The following LYST variants were observed in gnomAD, a reference collection of about 807,000 sequenced individuals.
LYST encodes lysosomal-trafficking regulator.
LYST carries 192 observed loss-of-function variants against 413.6 expected under a neutral mutation model. The observed-to-expected ratio is 0.46, with a 90% CI of 0.41 to 0.52. The LOEUF is 0.52. Among genes scored for constraint, LYST ranks in the 20% least tolerant of loss-of-function variants. The pLI, the probability that LYST is intolerant of heterozygous loss-of-function variation, is 0.00. For synonymous variants in LYST, 1,525 were observed against 1,567.3 expected (o/e 0.97, Z 0.64); for missense variants, 3,815 against 4,499.9 (o/e 0.85, Z 4.35).
At chr1:235,677,041 C>T (rs201852938) in intron 50 of LYST, 50 bp downstream of exon 50, 65 of 1,335,342 alleles carry the variant, frequency 4.9e-5, no homozygotes, top group African/African-American at 1.3e-4. Context: ...TGGCCGAATG[C>T]GCTGTTAGAG....
intron 11 of LYST, 131 bp downstream of exon 11, chr1:235,793,372 T>C: frequency 3.7e-6 from 2 of 535,960 alleles, no homozygotes; most frequent in East Asian, 3.1e-5. Context: ...TAACATGAAA[T>C]TGCCTATACC....
chr1:235,734,000 T>C (rs1410970287), intron 32 of LYST, 94 bp from the exon 33 acceptor site: 2 of 642,218 alleles, frequency 3.1e-6, no homozygotes, highest in Non-Finnish European at 5.3e-6. Context: ...AAAACCCAGT[T>C]AACAAAGGAA....
chr1:235,778,872 CT>C (rs894713476), intron 16 of LYST, among the ~76,000 whole-genome samples: 66 of 144,048 alleles, frequency 4.6e-4, no homozygotes, highest in South Asian at 4.4e-4. Context: ...TGTCTTTTTT[CT>C]TTTTTTTTTT....
intron 42 of LYST, among the ~76,000 whole-genome samples, chr1:235,714,452 C>A (rs1214071914): frequency 6.6e-6 from 1 of 152,084 alleles, no homozygotes; most frequent in African/African-American, 2.4e-5. Context: ...CTTTTATAGA[C>A]CAATAAGAGT....
chr1:235,880,398 T>A lies in LYST; in HGVS notation n.454+2789A>T, dbSNP rs553636817. Reference sequence around the variant, plus strand: ...ATGTACAAGTAAGTTGATTGGTCAGTTATTCTAAGTCAAGGATCCTGTGTT... The same window carrying A: ...ATGTACAAGTAAGTTGATTGGTCAGATATTCTAAGTCAAGGATCCTGTGTT... On this transcript the variant is annotated intron_variant and non_coding_transcript_variant, in intron 1 of 11. Transcript: ENST00000465349. Among the ~76,000 whole-genome samples the A allele has an allele frequency of 2.0e-5, 3 of 151,974 alleles. No homozygotes were observed. The East Asian group carries it at 5.8e-4, about 29-fold the overall frequency.
chr1:235,707,583 A>G (rs555366249), intron 44 of LYST, among the ~76,000 whole-genome samples: 32 of 152,332 alleles, frequency 2.1e-4, no homozygotes, highest in Admixed American at 2.0e-3. Context: ...AGATCACGCC[A>G]CTGCACTCCA....
intron 8 of LYST, 70 bp downstream of exon 8, chr1:235,802,838 T>C: frequency 7.0e-7 from 1 of 1,438,620 alleles, no homozygotes; most frequent in Non-Finnish European, 9.7e-7. Context: ...AGTGGTATTA[T>C]TATGAACCAT....
At chr1:235,723,463 G>C (rs1663574994) in intron 39 of LYST, among the ~76,000 whole-genome samples, 1 of 152,166 alleles carries the variant, frequency 6.6e-6, no homozygotes, top group African/African-American at 2.4e-5. Context: ...GCAATGGCTG[G>C]TAAGGTATAA....
At chr1:235,831,177 TGTTAA>T (rs2103001154) in intron 2 of LYST, among the ~76,000 whole-genome samples, 1 of 152,208 alleles carries the variant, frequency 6.6e-6, no homozygotes, top group South Asian at 2.1e-4. Flanking sequence ...AACATAGAGA[TGTTAA>T]GTTAAATAAG....
chr1:235,853,493 T>TA (rs61496977), intron 1 of LYST, among the ~76,000 whole-genome samples: 9,678 of 144,922 alleles, frequency 0.067, 991 homozygotes, highest in African/African-American at 0.23. Context: ...TAAAGAAAAC[T>TA]AAAAAAAAAA....
chr1:235,712,982 C>T, intron 42 of LYST: 1 of 985,374 alleles, frequency 1.0e-6, no homozygotes, highest in Non-Finnish European at 1.2e-6. Context: ...AACCATATTG[C>T]ATCATCTAAA....
At position 235,726,846 on chromosome 1, in the gene LYST, T is replaced by C. The variant is rs16848869; in HGVS notation, c.9162+1230A>G. Among the ~76,000 whole-genome samples the C allele has an allele frequency of 7.2e-3, 1,102 of 152,238 alleles. 9 individuals are homozygous for C. Among genetic ancestry groups the C allele is most frequent in the African/African-American group, 0.025 (1,050 of 41,546 alleles). On this transcript the variant is annotated intron_variant, in intron 38 of 52. Transcript: ENST00000389793. ...CATGTCAAATGGAGTTAAACACAAA[T>C]TGAGTAGAATTTTTAAGGGGAAAAA...
chr1:235,862,847 A>C (rs869044107), intron 1 of LYST, among the ~76,000 whole-genome samples: 2 of 137,180 alleles, frequency 1.5e-5, no homozygotes, highest in Admixed American at 7.3e-5. Context: ...ACACACACAC[A>C]CCCCTTCAAG....
At chr1:235,721,192 GA>G (rs551546424) in intron 39 of LYST, among the ~76,000 whole-genome samples, 3 of 149,702 alleles carry the variant, frequency 2.0e-5, no homozygotes, top group South Asian at 2.1e-4. Flanking sequence ...GATACTAAAA[GA>G]AAAAAAAATA....
At chr1:235,794,655 T>C (rs1572280443) in intron 10 of LYST, among the ~76,000 whole-genome samples, 1 of 152,310 alleles carries the variant, frequency 6.6e-6, no homozygotes, top group East Asian at 1.9e-4. Flanking sequence ...GTTTAGAGAA[T>C]AGAAGCCATA....
rs1558153773 is a variant in LYST, at chr1:235,724,061, G to T, written c.9282C>A (p.Gly3094=). The stretch of plus-strand genomic sequence containing the variant: ...TATCAAATGCCAACAGGAGTGTTCT[G>T]CCATTTGTTAGAAAGATTTCTACAG... ...DNAVEIFLTN[G]RTLLLAFDNT... Residue 3094 remains glycine (G), a synonymous_variant, in exon 39 of 53, where the codon GGC becomes GGA. Coordinates refer to ENST00000389793, the MANE Select transcript of LYST (RefSeq NM_000081.4). The T allele has an allele frequency of 6.2e-7, 1 of 1,613,740 alleles. No individual in the cohort carries two copies. Among genetic ancestry groups the T allele is most frequent in the Admixed American group, 1.7e-5 (1 of 60,020 alleles).
At chr1:235,842,377 C>T (rs1677317074) in intron 1 of LYST, among the ~76,000 whole-genome samples, 1 of 152,046 alleles carries the variant, frequency 6.6e-6, no homozygotes, top group African/African-American at 2.4e-5. Context: ...TGACAACATC[C>T]ACAGTGTGGC....
At chr1:235,760,209 T>C (rs1413891658) in intron 22 of LYST, among the ~76,000 whole-genome samples, 1 of 152,162 alleles carries the variant, frequency 6.6e-6, no homozygotes, top group African/African-American at 2.4e-5. Context: ...CACTTAATTG[T>C]ACTACAGTTT....
In LYST at chr1:235,709,055, T is replaced by A. The variant is rs181504476; in HGVS notation, c.10143+36A>T. On this transcript the variant is annotated intron_variant, in intron 44 of 52. Coordinates refer to ENST00000389793, the MANE Select transcript of LYST (RefSeq NM_000081.4). ...ACCTTAAAATATTCAGGTTCTATCTTATATAAATACAGATTGTTTTAAAAG... is the reference window on the plus strand; with the variant it reads ...ACCTTAAAATATTCAGGTTCTATCTAATATAAATACAGATTGTTTTAAAAG... The A allele has an allele frequency of 6.2e-5, 97 of 1,565,322 alleles. No homozygotes were observed. In the East Asian group the frequency reaches 1.8e-3, roughly 30 times the overall value.
Sources: allele counts gnomAD v4.1 joint callset (sites outside exome capture counted in the v4.1 genomes callset), GRCh38; gene constraint gnomAD v4.1.1; transcripts MANE v1.5; gene names NCBI Gene and HGNC (gene_info 2026-07-23, HGNC 2026-07-21).